Variants in RTN1 observed in about 807,000 individuals in gnomAD.
The protein encoded by RTN1 is reticulon 1.
In RTN1, 25 loss-of-function variants were observed where a neutral mutation model predicts 65.5. That is an observed-to-expected ratio of 0.38 (90% CI 0.28 to 0.53). The LOEUF (loss-of-function observed/expected upper bound fraction) is 0.53. Among genes scored for constraint, RTN1 ranks in the 20% least tolerant of loss-of-function variants. The pLI, the probability that RTN1 is intolerant of heterozygous loss-of-function variation, is 0.79. For missense variants in RTN1, 983 were observed against 1,025.4 expected (o/e 0.96, Z 0.57); for synonymous variants, 471 against 447.6 (o/e 1.05, Z -0.66).
intron 4 of RTN1, chr14:59,606,231 T>A (rs1051349172): frequency 2.0e-5 from 3 of 151,146 alleles, no homozygotes; most frequent in Admixed American, 6.6e-5. Context: ...GCACCTGTTA[T>A]CTACCTAGAG....
rs1022076855 is a variant in RTN1, at chr14:59,870,696, G to A, written c.-66C>T. The A allele has an allele frequency of 3.1e-6, 4 of 1,300,344 alleles. No homozygotes were observed. The South Asian group carries it at 9.3e-5, about 30-fold the overall frequency. 80.6% of individuals were successfully genotyped at this position (1,300,344 alleles called of 1,614,324 possible). On this transcript the variant is annotated 5_prime_UTR_variant, in exon 1 of 9. Coordinates refer to ENST00000267484, the MANE Select transcript of RTN1 (RefSeq NM_021136.3). The surrounding 1 kb of genome is among the most constrained non-coding windows in gnomAD (Gnocchi z 5.1). ...GCAGAGGCTCGGTGGCTGCGCGGGC[G>A]CTCCCTGCTGCTGTCCCCGGAGGGA... is the stretch of plus-strand genomic sequence containing the variant.
chr14:59,621,215 G>T (rs532142543), intron 3 of RTN1, among the ~76,000 whole-genome samples: 3 of 152,304 alleles, frequency 2.0e-5, no homozygotes, highest in African/African-American at 7.2e-5. Context: ...CCCTGTTACT[G>T]GAATTAATTA....
rs1260273745 is a variant in RTN1, at chr14:59,816,260, G to A, written c.241+54130C>T. Among the ~76,000 whole-genome samples, 2 of 152,044 alleles carry A rather than the reference G, an allele frequency of 1.3e-5. No individual in the cohort carries two copies. Among genetic ancestry groups the A allele is most frequent in the East Asian group, 1.9e-4 (1 of 5,196 alleles). On this transcript the variant is annotated intron_variant, in intron 1 of 8. Transcript: ENST00000267484. This position sits in a 1 kb window ranked among gnomAD's most constrained non-coding sequence, Gnocchi z 4.3. ...ACACACACACACACTAGTTACTCAGGTGATTAATGAATGCTGATACAGACC... is the reference window on the plus strand; with the variant it reads ...ACACACACACACACTAGTTACTCAGATGATTAATGAATGCTGATACAGACC...
chr14:59,683,145 A>G (rs898553374), intron 3 of RTN1, among the ~76,000 whole-genome samples: 2 of 152,156 alleles, frequency 1.3e-5, no homozygotes, highest in African/African-American at 4.8e-5. Context: ...TCTATTGGAA[A>G]TCACTAGTTG....
intron 1 of RTN1, among the ~76,000 whole-genome samples, chr14:59,784,879 T>C (rs1886225128): frequency 6.6e-6 from 1 of 152,164 alleles, no homozygotes; most frequent in South Asian, 2.1e-4. Context: ...AAAATAGGAG[T>C]GGAAGCAGGT....
intron 1 of RTN1, among the ~76,000 whole-genome samples, chr14:59,806,757 G>C (rs964246522): frequency 3.3e-5 from 5 of 152,322 alleles, no homozygotes; most frequent in East Asian, 3.9e-4. Flanking sequence ...AAGGATAACA[G>C]CCTCCAGCTC....
intron 1 of RTN1, among the ~76,000 whole-genome samples, chr14:59,751,191 CTTTTTTTTTTTTTT>C (rs34021179): frequency 2.2e-5 from 2 of 90,796 alleles, no homozygotes; most frequent in African/African-American, 4.6e-5. Flanking sequence ...CTCATTATAC[CTTTTTTTTTTTTTT>C]TTTTTTTTTG....
intron 1 of RTN1, among the ~76,000 whole-genome samples, chr14:59,782,261 CATAGG>C (rs2139576130): frequency 6.6e-6 from 1 of 152,188 alleles, no homozygotes; most frequent in Non-Finnish European, 1.5e-5. Context: ...CAGATTAAGA[CATAGG>C]ATAGAAGAGT....
intron 1 of RTN1, among the ~76,000 whole-genome samples, chr14:59,819,402 CACACCACCACCA>C (rs1566737354): frequency 6.2e-5 from 4 of 64,450 alleles, no homozygotes; most frequent in Non-Finnish European, 1.1e-4. Flanking sequence ...TTGGTGCATC[CACACCACCACCA>C]CCCCCCCCCC....
At chr14:59,756,896 C>G (rs1885651155) in intron 1 of RTN1, among the ~76,000 whole-genome samples, 1 of 146,468 alleles carries the variant, frequency 6.8e-6, no homozygotes, top group Non-Finnish European at 1.5e-5. Flanking sequence ...ACCATCATGA[C>G]TCCTGCAGCC....
chr14:59,630,317 C>T, intron 3 of RTN1: 1 of 1,118,720 alleles, frequency 8.9e-7, no homozygotes, highest in Admixed American at 1.9e-5. Context: ...GGTTTACTAC[C>T]CCCCAACACA....
intron 3 of RTN1, among the ~76,000 whole-genome samples, chr14:59,636,788 G>A (rs142664463): frequency 2.0e-5 from 3 of 152,302 alleles, no homozygotes; most frequent in East Asian, 1.9e-4. Context: ...ACACTATACT[G>A]TAGTCTATTA....
intron 3 of RTN1, among the ~76,000 whole-genome samples, chr14:59,619,719 T>C (rs1335142938): frequency 6.6e-6 from 1 of 151,944 alleles, no homozygotes; most frequent in African/African-American, 2.4e-5. Context: ...AAAAGAGAGG[T>C]CCACCTGCTA....
intron 1 of RTN1, among the ~76,000 whole-genome samples, chr14:59,860,644 T>A (rs1026348238): frequency 6.6e-6 from 1 of 152,062 alleles, no homozygotes; most frequent in Admixed American, 6.5e-5. Context: ...TGCCAGCCTA[T>A]GAAAAGAGCC....
At chr14:59,687,185 T>G (rs2140225529) in intron 3 of RTN1, among the ~76,000 whole-genome samples, 1 of 152,312 alleles carries the variant, frequency 6.6e-6, no homozygotes, top group African/African-American at 2.4e-5. Flanking sequence ...CCTGCTCCCC[T>G]GAGATCATGG....
intron 3 of RTN1, among the ~76,000 whole-genome samples, chr14:59,615,971 G>A (rs1170095395): frequency 6.6e-6 from 1 of 151,952 alleles, no homozygotes; most frequent in Non-Finnish European, 1.5e-5. Flanking sequence ...ATTCTATTTT[G>A]TGATAACCAG....
In RTN1 at chr14:59,727,219, G is replaced by C. The variant is rs756971718; in HGVS notation, c.1465C>G (p.Pro489Ala). Reference sequence around the variant, plus strand: ...GCATCCAGGGCGCTGGGCTTCATCGGGGGTGAGTCCTGCTCCCGCTTGGGG... The same window carrying C: ...GCATCCAGGGCGCTGGGCTTCATCGCGGGTGAGTCCTGCTCCCGCTTGGGG... ...ESPKREQDSP[P>A]MKPSALDAIR... The change falls in exon 3 of 9, where the codon CCG becomes GCG. Residue 489 changes from proline to alanine, a missense_variant. Coordinates refer to ENST00000267484, the MANE Select transcript of RTN1 (RefSeq NM_021136.3). The surrounding 1 kb of genome is among the most constrained non-coding windows in gnomAD (Gnocchi z 4.2). The C allele has an allele frequency of 4.5e-6, 7 of 1,569,564 alleles. No individual in the cohort carries two copies. Among genetic ancestry groups the C allele is most frequent in the African/African-American group, 4.1e-5 (3 of 73,900 alleles).
chr14:59,854,103 G>A (rs974762573), intron 1 of RTN1, among the ~76,000 whole-genome samples: 10 of 151,814 alleles, frequency 6.6e-5, no homozygotes, highest in South Asian at 2.1e-4. Context: ...CAGGTGATCC[G>A]CCCACCTCGG....
intron 1 of RTN1, among the ~76,000 whole-genome samples, chr14:59,802,462 C>T (rs1886564937): frequency 6.6e-6 from 1 of 152,150 alleles, no homozygotes; most frequent in South Asian, 2.1e-4. Context: ...TGTATCTGAT[C>T]TGAGCTGTTA....
Sources: allele counts gnomAD v4.1 joint callset (sites outside exome capture counted in the v4.1 genomes callset), GRCh38; gene constraint gnomAD v4.1.1; non-coding constraint Gnocchi (gnomAD v3.1); transcripts MANE v1.5; gene names NCBI Gene and HGNC (gene_info 2026-07-23, HGNC 2026-07-21).